Variants in KAZN observed in about 807,000 individuals in gnomAD.
KAZN encodes kazrin.
Under a neutral mutation model 87.4 loss-of-function variants are expected in KAZN, and 40 were observed. The observed-to-expected ratio is 0.46, with a 90% CI of 0.36 to 0.60. The LOEUF (loss-of-function observed/expected upper bound fraction) is 0.60. KAZN is among the 20% of genes least tolerant of loss of function. The probability of loss-of-function intolerance (pLI) is 0.00; values close to 1 mark genes in which losing one functional copy is unlikely to be tolerated. For missense variants in KAZN, 898 were observed against 1,073.9 expected, an observed-to-expected ratio of 0.84 and a Z score of 2.29; for synonymous variants, 466 against 458.3, an observed-to-expected ratio of 1.02 and a Z score of -0.22.
intron 1 of KAZN, among the ~76,000 whole-genome samples, chr1:14,719,849 A>T (rs1407272689): frequency 3.9e-5 from 6 of 152,198 alleles, no homozygotes; most frequent in African/African-American, 1.4e-4. Context: ...AGAAAACATA[A>T]TGAGAAAAAA....
At chr1:14,299,274 G>A (rs1243957486) in intron 2 of KAZN, among the ~76,000 whole-genome samples, 1 of 152,182 alleles carries the variant, frequency 6.6e-6, no homozygotes, top group Non-Finnish European at 1.5e-5. Flanking sequence ...AGGCCGAGGT[G>A]TGTGGATCAC....
At chr1:14,640,197 AC>A (rs776043807) in intron 1 of KAZN, among the ~76,000 whole-genome samples, 8 of 151,972 alleles carry the variant, frequency 5.3e-5, no homozygotes, top group African/African-American at 9.7e-5. Context: ...TATATTAGAT[AC>A]TGCTTAATAA....
chr1:14,520,050 G>A (rs901838510), intron 2 of KAZN, among the ~76,000 whole-genome samples: 1 of 152,124 alleles, frequency 6.6e-6, no homozygotes, highest in African/African-American at 2.4e-5. Context: ...TATAATTGGG[G>A]CCAAGGAGCA....
intron 1 of KAZN, among the ~76,000 whole-genome samples, chr1:14,826,188 A>G (rs1224460542): frequency 6.6e-6 from 1 of 152,204 alleles, no homozygotes; most frequent in East Asian, 1.9e-4. Context: ...AGGCACAGAG[A>G]GACTCCTTTT....
chr1:14,821,564 G>T (rs1036655034), intron 1 of KAZN, among the ~76,000 whole-genome samples: 7 of 151,866 alleles, frequency 4.6e-5, no homozygotes, highest in African/African-American at 1.7e-4. Context: ...ACTAGGGTGG[G>T]CCCTAACCCA....
chr1:14,368,485 A>C (rs564810450), intron 2 of KAZN, among the ~76,000 whole-genome samples: 1 of 152,326 alleles, frequency 6.6e-6, no homozygotes, highest in African/African-American at 2.4e-5. Context: ...CCATTTTGCC[A>C]ACCGTACAAT....
chr1:14,795,533 G>C (rs1299924807), intron 1 of KAZN, among the ~76,000 whole-genome samples: 1 of 152,182 alleles, frequency 6.6e-6, no homozygotes, highest in Non-Finnish European at 1.5e-5. Flanking sequence ...CCTCCTTGCA[G>C]TCGTTTATTT....
chr1:14,015,015 C>T (rs190551766), intron 1 of KAZN, among the ~76,000 whole-genome samples: 3 of 152,168 alleles, frequency 2.0e-5, no homozygotes, highest in African/African-American at 7.2e-5. Context: ...TTTTTATTGC[C>T]TCTAGTCTTG....
chr1:14,954,457 G>A lies in KAZN; in HGVS notation c.227-6227G>A, dbSNP rs188200410. 1.2e-3 allele frequency among the ~76,000 whole-genome samples: 177 copies of A among 152,314 alleles called. 2 individuals carry two copies. Among genetic ancestry groups the A allele is most frequent in the Admixed American group, 0.01 (156 of 15,294 alleles). The stretch of plus-strand genomic sequence containing the variant: ...GGCAAATGGCTTTCTCCTGTCATTG[G>A]GTCATCAGCCTGAGCTGTACCAGAT... On this transcript the variant is annotated intron_variant, in intron 1 of 14. Coordinates refer to ENST00000376030, the MANE Select transcript of KAZN (RefSeq NM_201628.3).
chr1:14,335,733 G>T (rs185805454), intron 2 of KAZN, among the ~76,000 whole-genome samples: 2 of 151,950 alleles, frequency 1.3e-5, no homozygotes, highest in East Asian at 3.9e-4. Flanking sequence ...ACTAATATAG[G>T]CGTGCATGTG....
At chr1:14,257,644 T>C (rs1650622360) in intron 2 of KAZN, among the ~76,000 whole-genome samples, 1 of 150,118 alleles carries the variant, frequency 6.7e-6, no homozygotes, top group East Asian at 2.0e-4. Flanking sequence ...AATTGATTTT[T>C]GTATAAGATG....
chr1:13,983,372 G>C (rs1024232331), intron 1 of KAZN, among the ~76,000 whole-genome samples: 1 of 152,204 alleles, frequency 6.6e-6, no homozygotes, highest in African/African-American at 2.4e-5. Flanking sequence ...CACTGCTGGG[G>C]GACCCAGTAC....
At chr1:14,618,791 G>A (rs1678458287) in intron 1 of KAZN, among the ~76,000 whole-genome samples, 1 of 152,208 alleles carries the variant, frequency 6.6e-6, no homozygotes, top group South Asian at 2.1e-4. Flanking sequence ...CAAGTACAGT[G>A]ATAGTAGTAT....
chr1:14,557,672 T>TGAGA (rs57818821), intron 2 of KAZN, among the ~76,000 whole-genome samples: 60 of 136,942 alleles, frequency 4.4e-4, no homozygotes, highest in East Asian at 1.6e-3. Context: ...GTGTGGTGTG[T>TGAGA]GAGAGAGAGA....
chr1:14,780,721 G>C (rs1645309572), intron 1 of KAZN, among the ~76,000 whole-genome samples: 1 of 152,164 alleles, frequency 6.6e-6, no homozygotes. Context: ...ATGGCACCTG[G>C]AATACCATGG....
At chr1:14,034,643 T>C (rs1641468952) in intron 1 of KAZN, among the ~76,000 whole-genome samples, 1 of 152,138 alleles carries the variant, frequency 6.6e-6, no homozygotes, top group Non-Finnish European at 1.5e-5. Context: ...ATTTATGATC[T>C]CCCCCACTAG....
At chr1:15,101,928 C>T (rs1288049395) in intron 11 of KAZN, among the ~76,000 whole-genome samples, 154 bp downstream of exon 11, 1 of 143,924 alleles carries the variant, frequency 6.9e-6, no homozygotes, top group Non-Finnish European at 1.6e-5. Context: ...ATCATCCGTC[C>T]ATCCATCTAC....
At chr1:14,546,495 A>T (rs535597532) in intron 2 of KAZN, among the ~76,000 whole-genome samples, 1 of 151,628 alleles carries the variant, frequency 6.6e-6, no homozygotes, top group Non-Finnish European at 1.5e-5. Context: ...GCCTTTCCCC[A>T]GTTCTAAATT....
chr1:14,106,870 T>A (rs965744078), intron 1 of KAZN, among the ~76,000 whole-genome samples: 1 of 152,128 alleles, frequency 6.6e-6, no homozygotes, highest in African/African-American at 2.4e-5. Flanking sequence ...ACTAGCTGGA[T>A]CAGTGCATGC....
Sources: gnomAD v4.1 joint callset for allele counts (sites outside exome capture counted in the v4.1 genomes callset) on GRCh38, gnomAD v4.1.1 for gene constraint, MANE v1.5 for transcripts, NCBI Gene and HGNC (gene_info 2026-07-23, HGNC 2026-07-21) for gene names.